Variants in RIMKLB observed in about 807,000 individuals in gnomAD.
RIMKLB encodes ribosomal modification protein rimK like family member B, also known as beta-citrylglutamate synthase B.
In RIMKLB, 7 loss-of-function variants were observed where a neutral mutation model predicts 32.0. That is an observed-to-expected ratio of 0.22 (90% CI 0.12 to 0.41). The LOEUF (loss-of-function observed/expected upper bound fraction) is 0.41. RIMKLB is among the 10% of genes least tolerant of loss of function. RIMKLB has a pLI of 1.00. For synonymous variants in RIMKLB, 172 were observed against 185.1 expected, an observed-to-expected ratio of 0.93 and a Z score of 0.57; for missense variants, 289 against 498.7, an observed-to-expected ratio of 0.58 and a Z score of 4.00.
At chr12:8,669,968 A>C in the RIMKLB span, among the ~76,000 whole-genome samples, 1 of 144,996 alleles carries the variant, frequency 6.9e-6, no homozygotes, top group African/African-American at 2.6e-5. Flanking sequence ...TGGAGCTTGC[A>C]GTGAGCCAAG....
In RIMKLB at chr12:8,776,641, G is replaced by A; in HGVS notation, c.*2857G>A. 1 of 929,956 alleles carries A rather than the reference G, an allele frequency of 1.1e-6. No individual in the cohort carries two copies. The highest frequency in any genetic ancestry group is 1.2e-4 in the East Asian group (1 of 8,538). 57.6% of individuals were successfully genotyped at this position (929,956 alleles called of 1,614,324 possible). Reference sequence around the variant, plus strand: ...GGACTTTATATATCTAAACATACAAGTATGAACTATTCTATTTAAAATTTT... The same window carrying A: ...GGACTTTATATATCTAAACATACAAATATGAACTATTCTATTTAAAATTTT... On this transcript the variant is annotated 3_prime_UTR_variant, in exon 6 of 6. Transcript: ENST00000535829.
Position 8,761,505 on chromosome 12 carries a change from G to A in RIMKLB, c.697+7412G>A, listed in dbSNP as rs1008136223. 4.6e-5 allele frequency among the ~76,000 whole-genome samples: 7 copies of A among 152,138 alleles called. No individual in the cohort carries two copies. The South Asian group carries it at 1.2e-3, about 27-fold the overall frequency. ...GTCGCTCCCTGCTCAAATGCCTGGG[G>A]TTTATATACCGATCATTGCCCCTCC... On this transcript the variant is annotated intron_variant, in intron 5 of 5. Coordinates refer to ENST00000535829, the MANE Select transcript of RIMKLB (RefSeq NM_001297776.2).
chr12:8,709,104 A>C (rs1475312572), intron 1 of RIMKLB, among the ~76,000 whole-genome samples: 28 of 152,188 alleles, frequency 1.8e-4, no homozygotes, highest in Admixed American at 1.8e-3. Flanking sequence ...TCGCTACTGG[A>C]GAATATTTTC....
In RIMKLB at chr12:8,775,482, C is replaced by G. The variant is rs976353029; in HGVS notation, c.*1698C>G. On this transcript the variant is annotated 3_prime_UTR_variant, in exon 6 of 6. Coordinates refer to ENST00000535829, the MANE Select transcript of RIMKLB (RefSeq NM_001297776.2). ...AAACAGCAAGTTTTCCATCTCCCTACGAATCCTCTGAAGCTTTTACCCAAG... is the reference window on the plus strand; with the variant it reads ...AAACAGCAAGTTTTCCATCTCCCTAGGAATCCTCTGAAGCTTTTACCCAAG... 2 of 985,650 alleles carry G rather than the reference C, an allele frequency of 2.0e-6. No homozygotes were observed. The highest frequency in any genetic ancestry group is 3.5e-5 in the African/African-American group (2 of 57,226). 61.1% of individuals were successfully genotyped at this position (985,650 alleles called of 1,614,324 possible).
chr12:8,698,540 G>A (rs1943068735), intron 1 of RIMKLB, among the ~76,000 whole-genome samples: 1 of 152,132 alleles, frequency 6.6e-6, no homozygotes, highest in South Asian at 2.1e-4. Flanking sequence ...GCCGGCCCGT[G>A]GCGTGTGCGT....
chr12:8,763,854 C>T (rs1949728763), intron 5 of RIMKLB, among the ~76,000 whole-genome samples: 1 of 152,128 alleles, frequency 6.6e-6, no homozygotes, highest in Non-Finnish European at 1.5e-5. Flanking sequence ...GTAAAACAGT[C>T]CAGGTGAGTT....
chr12:8,782,877 CTA>C (rs1272732750), intron 7 of RIMKLB: 1 of 152,068 alleles, frequency 6.6e-6, no homozygotes, highest in East Asian at 1.9e-4. Flanking sequence ...CTTTTAAAAT[CTA>C]TGATTTAAAT....
intron 1 of RIMKLB, among the ~76,000 whole-genome samples, chr12:8,698,708 C>CT (rs1565547283): frequency 8.8e-6 from 1 of 113,344 alleles, no homozygotes. Flanking sequence ...CACTCCCCCT[C>CT]CCCCCCCTTC....
downstream of RIMKLB, among the ~76,000 whole-genome samples, chr12:8,778,269 ATG>A (rs1950850557): frequency 6.6e-6 from 1 of 152,210 alleles, no homozygotes; most frequent in African/African-American, 2.4e-5. Flanking sequence ...GGTTATATAT[ATG>A]GTAAAAACTC....
rs746933079 is a variant in RIMKLB, at chr12:8,774,291, T to C, written c.*507T>C. 9 of 984,760 alleles carry C rather than the reference T, an allele frequency of 9.1e-6. No homozygotes were observed. In the African/African-American group the frequency reaches 1.6e-4, roughly 17 times the overall value. 61.0% of individuals were successfully genotyped at this position (984,760 alleles called of 1,614,324 possible). On this transcript the variant is annotated 3_prime_UTR_variant, in exon 6 of 6. Transcript: ENST00000535829. ...TAACTAGCAGCTTTAGTTTGTAGTT[T>C]ATGAAATCTTGAGGGGCTCTTTTAC... is the stretch of plus-strand genomic sequence containing the variant.
intron 3 of RIMKLB, 141 bp downstream of exon 3, chr12:8,750,233 CTT>C: frequency 1.9e-6 from 1 of 529,818 alleles, no homozygotes; most frequent in African/African-American, 1.9e-5. Context: ...TAAATTATAT[CTT>C]AAGATTTGTT....
intron 3 of RIMKLB, among the ~76,000 whole-genome samples, 184 bp downstream of exon 3, chr12:8,750,276 A>ACC (rs2137731128): frequency 6.6e-6 from 1 of 152,276 alleles, no homozygotes; most frequent in Admixed American, 6.5e-5. Flanking sequence ...GGGTTAGAAA[A>ACC]CTTTTTCTGT....
Position 8,775,920 on chromosome 12 carries a change from G to GA in RIMKLB, c.*2139dup. Reference sequence around the variant, plus strand: ...TATTAATACCTCTGACTCATTAACAGAAAGAAATACTTGGTACTTCTTTCG... The same window carrying GA: ...TATTAATACCTCTGACTCATTAACAGAAAAGAAATACTTGGTACTTCTTTCG... On this transcript the variant is annotated 3_prime_UTR_variant, in exon 6 of 6. Coordinates refer to ENST00000535829, the MANE Select transcript of RIMKLB (RefSeq NM_001297776.2). 1.0e-6 allele frequency: 1 copy of GA among 985,058 alleles called. No individual in the cohort carries two copies. The highest frequency in any genetic ancestry group is 1.2e-6 in the Non-Finnish European group (1 of 829,584). 61.0% of individuals were successfully genotyped at this position (985,058 alleles called of 1,614,324 possible). A position where few individuals can be genotyped will look rare whatever the true frequency, so the allele number is the denominator to read the frequency against.
At chr12:8,762,247 T>C (rs1280340304) in intron 5 of RIMKLB, among the ~76,000 whole-genome samples, 1 of 152,174 alleles carries the variant, frequency 6.6e-6, no homozygotes, top group Non-Finnish European at 1.5e-5. Context: ...GTAACTACCA[T>C]TGGTTGGCTG....
At chr12:8,695,366 C>T (rs1213725380), upstream of RIMKLB, among the ~76,000 whole-genome samples, 1 of 152,154 alleles carries the variant, frequency 6.6e-6, no homozygotes, top group Non-Finnish European at 1.5e-5. Context: ...AACATATCAA[C>T]CATGAATTCT....
intron 5 of RIMKLB, 67 bp downstream of exon 5, chr12:8,754,160 T>A: frequency 8.3e-7 from 1 of 1,201,902 alleles, no homozygotes. Flanking sequence ...TGAGTATTCA[T>A]ATGTATGTAA....
intron 1 of RIMKLB, among the ~76,000 whole-genome samples, chr12:8,703,358 C>T (rs1048575121): frequency 5.3e-5 from 8 of 152,102 alleles, no homozygotes; most frequent in Admixed American, 1.3e-4. Flanking sequence ...CAGGGTTTTG[C>T]TTTGTCACCC....
rs1209507050 is a variant in RIMKLB at position 8,774,546 on chromosome 12, T to A, written c.*762T>A. On this transcript the variant is annotated 3_prime_UTR_variant, in exon 6 of 6. Transcript: ENST00000535829. The stretch of plus-strand genomic sequence containing the variant: ...GTATTTGTTAGTGTTTTAGTCTTTT[T>A]TGAAAGATGTGCTCTGTTAATGTTG... 1 of 984,296 alleles carries A rather than the reference T, an allele frequency of 1.0e-6. No homozygotes were observed. The highest frequency in any genetic ancestry group is 1.2e-6 in the Non-Finnish European group (1 of 828,748). 61.0% of individuals were successfully genotyped at this position (984,296 alleles called of 1,614,324 possible).
chr12:8,753,185 A>C (rs892827054), intron 4 of RIMKLB, among the ~76,000 whole-genome samples: 2 of 152,256 alleles, frequency 1.3e-5, no homozygotes, highest in African/African-American at 4.8e-5. Flanking sequence ...CCAGTAGAGC[A>C]GCCAAGAGTC....
Sources: allele counts gnomAD v4.1 joint callset (sites outside exome capture counted in the v4.1 genomes callset), GRCh38; gene constraint gnomAD v4.1.1; transcripts MANE v1.5; gene names NCBI Gene and HGNC (gene_info 2026-07-23, HGNC 2026-07-21).